Variants in SPRED1 observed in about 807,000 individuals in gnomAD.
The protein encoded by SPRED1 is sprouty-related, EVH1 domain-containing protein 1.
A neutral mutation model predicts 52.3 loss-of-function variants in SPRED1; 18 were observed. The observed-to-expected ratio is 0.34, with a 90% CI of 0.24 to 0.51. The LOEUF (loss-of-function observed/expected upper bound fraction) is 0.51. SPRED1 is among the 20% of genes least tolerant of loss of function. SPRED1 has a pLI of 0.97. For synonymous variants in SPRED1, 155 were observed against 179.7 expected (o/e 0.86, Z 1.10); for missense variants, 485 against 551.0 (o/e 0.88, Z 1.20).
chr15:38,281,559 A>ATTTTTT lies in SPRED1; in HGVS notation c.33-17795_33-17790dup, dbSNP rs542005244. On this transcript the variant is annotated intron_variant, in intron 1 of 6. Transcript: ENST00000299084. ...AGGTGTGTGCCACCATGCCCATCTA[A>ATTTTTT]TTTTTTTTTTTTTTTTTTTTTTTTG... Among the ~76,000 whole-genome samples the ATTTTTT allele has an allele frequency of 1.8e-3, 182 of 100,738 alleles. 1 individual carries two copies. The highest frequency in any genetic ancestry group is 3.2e-3 in the East Asian group (9 of 2,794). 66.1% of individuals were successfully genotyped at this position (100,738 alleles called of 152,430 possible).
At chr15:38,326,224 G>A (rs1278087711) in intron 4 of SPRED1, 2 of 152,226 alleles carry the variant, frequency 1.3e-5, no homozygotes, top group Non-Finnish European at 2.9e-5. Context: ...AGTAATGTGG[G>A]AGGCAGAAAA....
chr15:38,276,248 A>G (rs1894550436), intron 1 of SPRED1, among the ~76,000 whole-genome samples: 2 of 145,932 alleles, frequency 1.4e-5, no homozygotes, highest in Non-Finnish European at 3.0e-5. Flanking sequence ...CTTTTTCCCT[A>G]GATACATATT....
intron 4 of SPRED1, chr15:38,325,885 T>A (rs959623636): frequency 2.6e-5 from 4 of 152,118 alleles, no homozygotes; most frequent in Admixed American, 6.5e-5. Context: ...ACAGGAATTG[T>A]GAAATAATAA....
At chr15:38,328,367 C>T (rs981754113) in intron 4 of SPRED1, among the ~76,000 whole-genome samples, 1 of 152,248 alleles carries the variant, frequency 6.6e-6, no homozygotes, top group African/African-American at 2.4e-5. Flanking sequence ...ATTTCTGCAC[C>T]AATAACTGCT....
At position 38,351,365 on chromosome 15, in the gene SPRED1, G is replaced by C; in HGVS notation, c.1036G>C (p.Glu346Gln). 2 of 1,614,052 alleles carry C rather than the reference G, an allele frequency of 1.2e-6. No individual in the cohort carries two copies. The highest frequency in any genetic ancestry group is 8.5e-7 in the Non-Finnish European group (1 of 1,179,986). Residue 346 changes from glutamate to glutamine, a missense_variant, in exon 7 of 7, where the codon GAA (glutamate) becomes CAA (glutamine). By Grantham distance (29) the Glu-to-Gln change is conservative. Transcript: ENST00000299084. ...CTGCCAGGAAAGGTTTAATCATGAA[G>C]AAAATGTTAGGGGAAAATGTCAGGA... ...VYCQERFNHE[E>Q]NVRGKCQDAP...
At chr15:38,280,641 G>A (rs1389446164) in intron 1 of SPRED1, among the ~76,000 whole-genome samples, 3 of 152,128 alleles carry the variant, frequency 2.0e-5, no homozygotes, top group East Asian at 1.9e-4. Flanking sequence ...CATTTGGTTA[G>A]GCAGTGTACT....
intron 1 of SPRED1, among the ~76,000 whole-genome samples, chr15:38,262,944 A>G (rs112061582): frequency 6.6e-6 from 1 of 152,200 alleles, no homozygotes; most frequent in African/African-American, 2.4e-5. Context: ...GCGACTCAGT[A>G]TTTTAAGTGA....
At chr15:38,315,594 A>G (rs1472940228) in intron 2 of SPRED1, among the ~76,000 whole-genome samples, 1 of 110,414 alleles carries the variant, frequency 9.1e-6, no homozygotes, top group South Asian at 3.8e-4. Flanking sequence ...CCCCCTCTGT[A>G]AATTCTCACC....
chr15:38,321,591 A>G (rs1895602319), intron 2 of SPRED1, among the ~76,000 whole-genome samples: 1 of 151,958 alleles, frequency 6.6e-6, no homozygotes, highest in African/African-American at 2.4e-5. Context: ...AAATGACTTT[A>G]TTTTGTTTTG....
intron 5 of SPRED1, among the ~76,000 whole-genome samples, chr15:38,344,214 G>C (rs1440303690): frequency 6.6e-6 from 1 of 152,062 alleles, no homozygotes; most frequent in Non-Finnish European, 1.5e-5. Flanking sequence ...CAACATAGGA[G>C]AGAGTGGAAG....
chr15:38,328,510 A>G (rs1180049900), intron 4 of SPRED1, among the ~76,000 whole-genome samples: 1 of 152,194 alleles, frequency 6.6e-6, no homozygotes, highest in African/African-American at 2.4e-5. Flanking sequence ...ATAACAGATC[A>G]TCATTTGAAT....
chr15:38,289,308 A>G (rs1894872117), intron 1 of SPRED1, among the ~76,000 whole-genome samples: 1 of 149,236 alleles, frequency 6.7e-6, no homozygotes, highest in South Asian at 2.1e-4. Context: ...CATGGCATTT[A>G]TGTTTTTCTT....
At chr15:38,339,634 A>T in intron 4 of SPRED1, 103 bp from the exon 5 acceptor site, 1 of 1,197,210 alleles carries the variant, frequency 8.4e-7, no homozygotes, top group Non-Finnish European at 1.2e-6. Context: ...AGCGATATAT[A>T]CTTATTGACT....
chr15:38,338,768 A>G (rs1480666218), intron 4 of SPRED1, among the ~76,000 whole-genome samples: 1 of 152,166 alleles, frequency 6.6e-6, no homozygotes, highest in African/African-American at 2.4e-5. Context: ...TAAATGAGAC[A>G]AGGCTATTTT....
In SPRED1 at chr15:38,324,820, G is replaced by A; in HGVS notation, c.423+11G>A. 3 of 1,609,628 alleles carry A rather than the reference G, an allele frequency of 1.9e-6. No individual in the cohort carries two copies. The highest frequency in any genetic ancestry group is 2.5e-6 in the Non-Finnish European group (3 of 1,177,090). On this transcript the variant is annotated intron_variant, in intron 4 of 6. Coordinates refer to ENST00000299084, the MANE Select transcript of SPRED1 (RefSeq NM_152594.3). The stretch of plus-strand genomic sequence containing the variant: ...GCAGATGACTTACAAGTAAGTAATG[G>A]CTTGGAAGGAATTTGTAAACATAAA...
chr15:38,253,275 T>C (rs2140943546), intron 1 of SPRED1, 58 bp downstream of exon 1: 1 of 1,520,204 alleles, frequency 6.6e-7, no homozygotes, highest in East Asian at 2.4e-5. Context: ...CCCTCGGCTC[T>C]CCCCCAGACC....
At chr15:38,307,756 G>A (rs908224498) in intron 2 of SPRED1, among the ~76,000 whole-genome samples, 4 of 152,106 alleles carry the variant, frequency 2.6e-5, no homozygotes, top group African/African-American at 9.7e-5. Flanking sequence ...GTATCTGCTA[G>A]TGCTAGTTTT....
chr15:38,324,858 A>G, intron 4 of SPRED1, 49 bp downstream of exon 4: 1 of 1,414,154 alleles, frequency 7.1e-7, no homozygotes, highest in South Asian at 1.2e-5. Flanking sequence ...ATGTGGAAGA[A>G]ATCACTAGCC....
At chr15:38,282,289 A>G (rs1164805833) in intron 1 of SPRED1, among the ~76,000 whole-genome samples, 3 of 151,076 alleles carry the variant, frequency 2.0e-5, no homozygotes, top group African/African-American at 7.3e-5. Flanking sequence ...AGCCTGGCCA[A>G]CATCCTGAAA....
Sources: gnomAD v4.1 joint callset for allele counts (sites outside exome capture counted in the v4.1 genomes callset) on GRCh38, gnomAD v4.1.1 for gene constraint, MANE v1.5 for transcripts, NCBI Gene and HGNC (gene_info 2026-07-23, HGNC 2026-07-21) for gene names.